Variants in MAGI1 observed in about 807,000 individuals in gnomAD.
The protein encoded by MAGI1 is membrane-associated guanylate kinase, WW and PDZ domain-containing protein 1.
MAGI1 carries 58 observed loss-of-function variants against 139.9 expected under a neutral mutation model. The ratio of observed to expected loss-of-function variants is 0.41; its 90% CI spans 0.34 to 0.52. The LOEUF (loss-of-function observed/expected upper bound fraction) is 0.52, where lower values mean the gene tolerates loss of function less well. Ranked by LOEUF, MAGI1 falls within the 20% of genes least tolerant of loss-of-function variation. The pLI, the probability that MAGI1 is intolerant of heterozygous loss-of-function variation, is 0.12. For missense variants in MAGI1, 1,874 were observed against 1,901.6 expected (o/e 0.99, Z 0.27); for synonymous variants, 812 against 737.9 (o/e 1.10, Z -1.63).
chr3:65,570,073 CATTATTATT>C (rs57902043), intron 2 of MAGI1, among the ~76,000 whole-genome samples: 36,288 of 136,042 alleles, frequency 0.27, 5,431 homozygotes, highest in East Asian at 0.5. Flanking sequence ...TCTTTATTAT[CATTATTATT>C]ATTATTATTA....
At chr3:65,397,619 G>A (rs1214077079) in intron 13 of MAGI1, among the ~76,000 whole-genome samples, 1 of 151,648 alleles carries the variant, frequency 6.6e-6, no homozygotes, top group Non-Finnish European at 1.5e-5. Context: ...GCTAAGTAAA[G>A]AATGTGGTTT....
chr3:65,378,564 C>T (rs1942760826), intron 17 of MAGI1, among the ~76,000 whole-genome samples: 1 of 152,100 alleles, frequency 6.6e-6, no homozygotes, highest in African/African-American at 2.4e-5. Context: ...ATTCTGAGGC[C>T]CTTGCAATTA....
intron 10 of MAGI1, among the ~76,000 whole-genome samples, chr3:65,434,779 T>C (rs1429226281): frequency 2.0e-5 from 3 of 152,128 alleles, no homozygotes; most frequent in African/African-American, 4.8e-5. Flanking sequence ...ATTCCAAAGA[T>C]TATAAAAGTG....
chr3:65,758,518 T>C (rs1418677993), intron 1 of MAGI1, among the ~76,000 whole-genome samples: 7 of 152,222 alleles, frequency 4.6e-5, no homozygotes, highest in South Asian at 2.1e-4. Flanking sequence ...ATATTCATAA[T>C]ATGTTAAGTA....
chr3:66,007,499 T>TGAG (rs1452652540), intron 1 of MAGI1, among the ~76,000 whole-genome samples: 2 of 151,930 alleles, frequency 1.3e-5, no homozygotes, highest in African/African-American at 4.8e-5. Context: ...CCAACTCTAG[T>TGAG]GAGGAGGAGG....
At chr3:65,526,214 T>C (rs561023011) in intron 2 of MAGI1, among the ~76,000 whole-genome samples, 1 of 152,326 alleles carries the variant, frequency 6.6e-6, no homozygotes, top group African/African-American at 2.4e-5. Context: ...TCCTTGATGT[T>C]CAGTTCACTG....
intron 1 of MAGI1, among the ~76,000 whole-genome samples, chr3:65,869,678 G>C (rs967051225): frequency 7.9e-5 from 12 of 152,048 alleles, no homozygotes; most frequent in Non-Finnish European, 1.5e-4. Flanking sequence ...GGAATTACAG[G>C]AGTGAGCCAC....
At chr3:65,693,998 G>T (rs2088918917) in intron 1 of MAGI1, among the ~76,000 whole-genome samples, 1 of 152,060 alleles carries the variant, frequency 6.6e-6, no homozygotes, top group African/African-American at 2.4e-5. Context: ...TGGGATTACA[G>T]GCATGAGCCA....
intron 4 of MAGI1, 52 bp from the exon 5 acceptor site, chr3:65,470,536 T>G: frequency 1.0e-6 from 1 of 997,142 alleles, no homozygotes. Flanking sequence ...AAAAAAAAAA[T>G]GGTATTCAGC....
chr3:65,367,679 G>C (rs1490202525), intron 18 of MAGI1, among the ~76,000 whole-genome samples: 1 of 152,102 alleles, frequency 6.6e-6, no homozygotes, highest in East Asian at 1.9e-4. Flanking sequence ...AGAAAATGTA[G>C]GTAATATGTC....
chr3:66,014,000 T>C (rs959412887), intron 1 of MAGI1, among the ~76,000 whole-genome samples: 2 of 152,158 alleles, frequency 1.3e-5, no homozygotes. Context: ...ACATAATGTA[T>C]CAGGGCCATC....
chr3:65,979,092 C>CG (rs201965390), intron 1 of MAGI1, among the ~76,000 whole-genome samples: 1 of 52,294 alleles, frequency 1.9e-5, no homozygotes, highest in Admixed American at 2.9e-4. Flanking sequence ...TTTTCTTCCC[C>CG]CCCCCCGCCA....
intron 1 of MAGI1, among the ~76,000 whole-genome samples, chr3:65,928,831 C>T (rs2106697634): frequency 6.6e-6 from 1 of 152,208 alleles, no homozygotes; most frequent in South Asian, 2.1e-4. Flanking sequence ...TTATTTCAGC[C>T]TCTAAGCAAA....
chr3:65,833,065 T>A (rs2042610744), intron 1 of MAGI1, among the ~76,000 whole-genome samples: 1 of 152,026 alleles, frequency 6.6e-6, no homozygotes, highest in South Asian at 2.1e-4. Flanking sequence ...TTTTCCAACA[T>A]CTCCAAACAG....
chr3:65,391,951 T>C (rs1315448469), intron 13 of MAGI1, among the ~76,000 whole-genome samples: 2 of 152,228 alleles, frequency 1.3e-5, no homozygotes, highest in Non-Finnish European at 2.9e-5. Context: ...ATTACTAATA[T>C]ATGAAGAACT....
At chr3:66,030,714 A>AGTAATATCCTTAG (rs1157557493) in intron 1 of MAGI1, among the ~76,000 whole-genome samples, 1 of 152,188 alleles carries the variant, frequency 6.6e-6, no homozygotes, top group Non-Finnish European at 1.5e-5. Flanking sequence ...GAGAAAGAGA[A>AGTAATATCCTTAG]GTAATATCCT....
At chr3:65,976,294 T>C (rs1223439055) in intron 1 of MAGI1, among the ~76,000 whole-genome samples, 1 of 152,116 alleles carries the variant, frequency 6.6e-6, no homozygotes, top group Non-Finnish European at 1.5e-5. Flanking sequence ...CGGAGTGGGA[T>C]GAGGGATGCT....
intron 1 of MAGI1, among the ~76,000 whole-genome samples, chr3:65,809,097 C>T (rs1259440753): frequency 6.6e-6 from 1 of 152,060 alleles, no homozygotes; most frequent in Non-Finnish European, 1.5e-5. Flanking sequence ...TCCACAGGGC[C>T]CATGGGTAGG....
chr3:65,924,720 C>T (rs2062404872), intron 1 of MAGI1, among the ~76,000 whole-genome samples: 1 of 152,152 alleles, frequency 6.6e-6, no homozygotes, highest in Non-Finnish European at 1.5e-5. Context: ...TCCCACACTG[C>T]CCCTCGCTGC....
Sources: allele counts gnomAD v4.1 joint callset (sites outside exome capture counted in the v4.1 genomes callset), GRCh38; gene constraint gnomAD v4.1.1; transcripts MANE v1.5; gene names NCBI Gene and HGNC (gene_info 2026-07-23, HGNC 2026-07-21).